PTPRD: variants seen among roughly 807,000 people sequenced by gnomAD.
The protein encoded by PTPRD is receptor-type tyrosine-protein phosphatase delta.
In PTPRD, 34 loss-of-function variants were observed where a neutral mutation model predicts 214.5. That is an observed-to-expected ratio of 0.16 (90% CI 0.12 to 0.21). PTPRD has a LOEUF of 0.21. PTPRD is among the 10% of genes least tolerant of loss of function. The pLI, the probability that PTPRD is intolerant of heterozygous loss-of-function variation, is 1.00. For missense variants in PTPRD, 2,545 were observed against 2,398.7 expected (o/e 1.06, Z -1.27); for synonymous variants, 1,128 against 845.7 (o/e 1.33, Z -5.79).
At chr9:8,767,016 C>A (rs573071640) in intron 11 of PTPRD, among the ~76,000 whole-genome samples, 2 of 152,088 alleles carry the variant, frequency 1.3e-5, no homozygotes, top group Non-Finnish European at 2.9e-5. Flanking sequence ...TATTTCTGAC[C>A]CTAAGCTTTA....
At chr9:9,697,572 A>G (rs548805198) in intron 7 of PTPRD, among the ~76,000 whole-genome samples, 1 of 151,934 alleles carries the variant, frequency 6.6e-6, no homozygotes, top group Non-Finnish European at 1.5e-5. Flanking sequence ...GAAGTCTCTC[A>G]TATGTTTTTT....
At chr9:10,231,400 C>T (rs1428643011) in intron 3 of PTPRD, among the ~76,000 whole-genome samples, 1 of 151,796 alleles carries the variant, frequency 6.6e-6, no homozygotes, top group African/African-American at 2.4e-5. Context: ...AAAAAAAGTG[C>T]AATTACCTAA....
At chr9:9,201,828 A>T (rs1015397305) in intron 9 of PTPRD, among the ~76,000 whole-genome samples, 1 of 152,216 alleles carries the variant, frequency 6.6e-6, no homozygotes, top group African/African-American at 2.4e-5. Flanking sequence ...ACTCATTTTA[A>T]TGATAGTTGC....
chr9:10,418,193 C>G (rs1301067199), intron 2 of PTPRD, among the ~76,000 whole-genome samples: 1 of 151,612 alleles, frequency 6.6e-6, no homozygotes, highest in African/African-American at 2.4e-5. Flanking sequence ...TCTTCACTGA[C>G]AAAAGCATTC....
At chr9:10,061,603 C>T (rs1437170083) in intron 3 of PTPRD, among the ~76,000 whole-genome samples, 1 of 151,992 alleles carries the variant, frequency 6.6e-6, no homozygotes, top group Non-Finnish European at 1.5e-5. Context: ...TCCTATTCCC[C>T]ACCATGTCAT....
intron 7 of PTPRD, among the ~76,000 whole-genome samples, chr9:9,659,430 T>C (rs953936572): frequency 1.3e-5 from 2 of 152,080 alleles, no homozygotes; most frequent in Non-Finnish European, 2.9e-5. Flanking sequence ...TTAACCTTTG[T>C]TGCTTATTAT....
At chr9:8,593,334 C>T (rs1181821860) in intron 14 of PTPRD, among the ~76,000 whole-genome samples, 2 of 152,102 alleles carry the variant, frequency 1.3e-5, no homozygotes, top group African/African-American at 4.8e-5. Context: ...TCTCCCTGGA[C>T]CATTCAGTTT....
At chr9:9,331,923 T>TA (rs2042458191) in intron 9 of PTPRD, among the ~76,000 whole-genome samples, 1 of 151,962 alleles carries the variant, frequency 6.6e-6, no homozygotes, top group Non-Finnish European at 1.5e-5. Flanking sequence ...AGGGGAAGTT[T>TA]GGGGAAAATT....
chr9:9,241,405 T>A (rs78494832), intron 9 of PTPRD, among the ~76,000 whole-genome samples: 1 of 152,140 alleles, frequency 6.6e-6, no homozygotes, highest in Admixed American at 6.6e-5. Context: ...CTCTTTGTAA[T>A]AGGATACAAG....
chr9:10,386,831 A>C (rs1440428681), intron 2 of PTPRD, among the ~76,000 whole-genome samples: 1 of 151,784 alleles, frequency 6.6e-6, no homozygotes, highest in Non-Finnish European at 1.5e-5. Flanking sequence ...GTGTAGGGTG[A>C]ATTAAGGGTG....
intron 44 of PTPRD, among the ~76,000 whole-genome samples, chr9:8,331,309 A>G (rs143570519): frequency 1.4e-3 from 214 of 152,322 alleles, no homozygotes; most frequent in African/African-American, 4.7e-3. Flanking sequence ...AGGTACCAAC[A>G]ATTCCCATTA....
intron 3 of PTPRD, among the ~76,000 whole-genome samples, chr9:10,299,320 T>C (rs1248293842): frequency 6.6e-6 from 1 of 152,110 alleles, no homozygotes; most frequent in African/African-American, 2.4e-5. Context: ...TTGTCAGAAA[T>C]CTGTAATGTG....
chr9:10,198,645 G>A (rs961416878), intron 3 of PTPRD, among the ~76,000 whole-genome samples: 1 of 152,084 alleles, frequency 6.6e-6, no homozygotes, highest in Non-Finnish European at 1.5e-5. Flanking sequence ...TTTACTGATG[G>A]TGGTTAATCA....
chr9:10,361,014 A>G (rs904606367), intron 2 of PTPRD, among the ~76,000 whole-genome samples: 9 of 152,100 alleles, frequency 5.9e-5, no homozygotes, highest in African/African-American at 2.2e-4. Flanking sequence ...AGGCAGGAGA[A>G]TGGCGTGAAC....
chr9:10,106,906 G>T (rs183002790), intron 3 of PTPRD, among the ~76,000 whole-genome samples: 2 of 151,872 alleles, frequency 1.3e-5, no homozygotes, highest in South Asian at 2.1e-4. Flanking sequence ...GTTTGGAATT[G>T]ATGCCATAAG....
chr9:9,788,630 C>A (rs902457829), intron 5 of PTPRD, among the ~76,000 whole-genome samples: 1 of 151,046 alleles, frequency 6.6e-6, no homozygotes, highest in Non-Finnish European at 1.5e-5. Flanking sequence ...TATTTAAATC[C>A]CGTAGACACA....
chr9:9,840,584 A>T (rs1305082830), intron 5 of PTPRD, among the ~76,000 whole-genome samples: 1 of 151,948 alleles, frequency 6.6e-6, no homozygotes, highest in Non-Finnish European at 1.5e-5. Context: ...GAAAAACAAA[A>T]TAGTGAATCG....
At chr9:10,382,736 T>C (rs1181557639) in intron 2 of PTPRD, among the ~76,000 whole-genome samples, 1 of 151,940 alleles carries the variant, frequency 6.6e-6, no homozygotes, top group Non-Finnish European at 1.5e-5. Flanking sequence ...CCCTAAGATA[T>C]CTATTTTTAT....
chr9:9,701,246 G>C (rs1375449843), intron 7 of PTPRD, among the ~76,000 whole-genome samples: 4 of 152,060 alleles, frequency 2.6e-5, no homozygotes, highest in Non-Finnish European at 5.9e-5. Flanking sequence ...AAATAACTAA[G>C]AATGTTTTAA....
Sources: gnomAD v4.1 joint callset for allele counts (sites outside exome capture counted in the v4.1 genomes callset) on GRCh38, gnomAD v4.1.1 for gene constraint, MANE v1.5 for transcripts, NCBI Gene and HGNC (gene_info 2026-07-23, HGNC 2026-07-21) for gene names.